AKAP11: variants seen among roughly 807,000 people sequenced by gnomAD.
AKAP11 encodes the protein A-kinase anchoring protein 11.
A neutral mutation model predicts 146.1 loss-of-function variants in AKAP11; 36 were observed. The ratio of observed to expected loss-of-function variants is 0.25; its 90% CI spans 0.19 to 0.33. The LOEUF is 0.33. Among genes scored for constraint, AKAP11 ranks in the 10% least tolerant of loss-of-function variants. AKAP11 has a pLI of 1.00. For missense variants in AKAP11, 2,201 were observed against 2,197.0 expected, an observed-to-expected ratio of 1.00 and a Z score of -0.04; for synonymous variants, 780 against 786.5, an observed-to-expected ratio of 0.99 and a Z score of 0.14.
At chr13:42,281,222 T>G (rs764710175) in intron 1 of AKAP11, among the ~76,000 whole-genome samples, 2 of 152,196 alleles carry the variant, frequency 1.3e-5, no homozygotes, top group African/African-American at 4.8e-5. Context: ...TAACAAGTTA[T>G]GAAATAATTT....
intron 8 of AKAP11, among the ~76,000 whole-genome samples, chr13:42,304,185 G>A (rs1960130425): frequency 6.6e-6 from 1 of 152,188 alleles, no homozygotes; most frequent in South Asian, 2.1e-4. Context: ...ATTTTATATA[G>A]TAGTCCCCCC....
intron 8 of AKAP11, among the ~76,000 whole-genome samples, chr13:42,307,217 T>A (rs1960306715): frequency 6.6e-6 from 1 of 152,208 alleles, no homozygotes; most frequent in Non-Finnish European, 1.5e-5. Flanking sequence ...AGTATCATTC[T>A]GTATCTTACA....
At chr13:42,285,857 G>C (rs1959158236) in intron 1 of AKAP11, 129 bp from the exon 2 acceptor site, 2 of 152,392 alleles carry the variant, frequency 1.3e-5, no homozygotes, top group Non-Finnish European at 2.9e-5. Flanking sequence ...AAATAAGAAT[G>C]TCAAGAGCAT....
In AKAP11 at chr13:42,303,807, C is replaced by T. The variant is rs1014045572; in HGVS notation, c.5061C>T (p.Ser1687=). The stretch of plus-strand genomic sequence containing the variant: ...AGGAGGGTGCCAGCTTTGCTGAAAG[C>T]CTTGCCACAGAAACCATGACAGCAG... ...IGQEGASFAE[S]LATETMTAAV... Residue 1687 remains serine (S), a synonymous_variant, in exon 8 of 13, where the codon AGC becomes AGT. Transcript: ENST00000025301. 1.9e-6 allele frequency: 3 copies of T among 1,607,704 alleles called. No individual in the cohort carries two copies. The highest frequency in any genetic ancestry group is 1.7e-5 in the Admixed American group (1 of 59,264).
At position 42,305,826 on chromosome 13, in the gene AKAP11, T is replaced by G. The variant is rs774452753; in HGVS notation, c.5117+1963T>G. Among the ~76,000 whole-genome samples, 4 of 152,328 alleles carry G rather than the reference T, an allele frequency of 2.6e-5. No individual in the cohort carries two copies. The East Asian group carries it at 7.7e-4, about 29-fold the overall frequency. On this transcript the variant is annotated intron_variant, in intron 8 of 12. Transcript: ENST00000025301. ...AGGAGGTTTAATTGACTCACAGTTC[T>G]GCATGGCTGGGAAAGCCTCAGGAGA...
intron 8 of AKAP11, among the ~76,000 whole-genome samples, chr13:42,306,809 A>C (rs1326115893): frequency 6.6e-6 from 1 of 152,206 alleles, no homozygotes; most frequent in Admixed American, 6.5e-5. Flanking sequence ...ATGTGAATGC[A>C]ATTGGGAAAT....
intron 8 of AKAP11, among the ~76,000 whole-genome samples, chr13:42,305,458 T>C (rs1960204332): frequency 6.6e-6 from 1 of 152,224 alleles, no homozygotes; most frequent in African/African-American, 2.4e-5. Flanking sequence ...AACTACAGTC[T>C]GTGGGCCAAT....
chr13:42,292,497 C>G lies in AKAP11; in HGVS notation c.164C>G (p.Thr55Ser). The G allele has an allele frequency of 6.4e-7, 1 of 1,560,758 alleles. No homozygotes were observed. Among genetic ancestry groups the G allele is most frequent in the Non-Finnish European group, 8.8e-7 (1 of 1,142,318 alleles). The change falls in exon 4 of 13, where the codon ACT becomes AGT. Residue 55 changes from threonine (T) to serine (S), a missense_variant. By Grantham distance (58) the Thr-to-Ser change is moderately conservative. Coordinates refer to ENST00000025301, the MANE Select transcript of AKAP11 (RefSeq NM_016248.4). ...CAGCAGGATGAGCATGCCAATTTAA[C>G]TGAGGTTTAACATACTACTTTCTAA... ...CLQQDEHANL[T>S]EVTFLGFNEE...
chr13:42,296,201 C>T (rs1959503084), intron 5 of AKAP11, among the ~76,000 whole-genome samples: 1 of 152,070 alleles, frequency 6.6e-6, no homozygotes, highest in Middle Eastern at 3.2e-3. Flanking sequence ...CCTTTTGTGG[C>T]AGTAAAGTGT....
At chr13:42,290,405 G>A (rs993983831) in intron 3 of AKAP11, among the ~76,000 whole-genome samples, 1 of 152,152 alleles carries the variant, frequency 6.6e-6, no homozygotes, top group African/African-American at 2.4e-5. Context: ...CAATATAAAT[G>A]CACATAATCT....
intron 1 of AKAP11, among the ~76,000 whole-genome samples, chr13:42,277,712 T>C (rs979334936): frequency 6.6e-6 from 1 of 152,252 alleles, no homozygotes; most frequent in African/African-American, 2.4e-5. Context: ...GAAATTTCTC[T>C]TCACCGTACA....
intron 3 of AKAP11, among the ~76,000 whole-genome samples, chr13:42,289,518 G>A (rs1959189963): frequency 6.6e-6 from 1 of 152,038 alleles, no homozygotes; most frequent in Non-Finnish European, 1.5e-5. Context: ...TGATACCTGA[G>A]AGCCCCTCCA....
At position 42,301,954 on chromosome 13, in the gene AKAP11, C is replaced by G; in HGVS notation, c.3208C>G (p.His1070Asp). ...FGQENPFPHS[H>D]TFSSTALTCV... ...ACAGGAAAACCCCTTTCCTCATTCA[C>G]ATACTTTCTCATCTACAGCACTTAC... Residue 1070 changes from histidine to aspartate, a missense_variant, in exon 8 of 13, where the codon CAT becomes GAT. By Grantham distance (81) the His-to-Asp change is moderately conservative. Transcript: ENST00000025301. 1 of 1,614,178 alleles carries G rather than the reference C, an allele frequency of 6.2e-7. No homozygotes were observed. Among genetic ancestry groups the G allele is most frequent in the South Asian group, 1.1e-5 (1 of 91,084 alleles).
At position 42,303,707 on chromosome 13, in the gene AKAP11, T is replaced by C; in HGVS notation, c.4961T>C (p.Ile1654Thr). ...AAGAAGGCAGTGCTTGCTGAGAAGA[T>C]AGTTGCTGAAGCCATTGAAAAAGCT... ...LDKKAVLAEK[I>T]VAEAIEKAER... Residue 1654 changes from isoleucine (I) to threonine (T), a missense_variant, in exon 8 of 13, where the codon ATA (isoleucine) becomes ACA (threonine). By Grantham distance (89) the Ile-to-Thr change is moderately conservative (BLOSUM62 -1). Coordinates refer to ENST00000025301, the MANE Select transcript of AKAP11 (RefSeq NM_016248.4). 1.2e-6 allele frequency: 2 copies of C among 1,614,102 alleles called. No individual in the cohort carries two copies. The highest frequency in any genetic ancestry group is 1.7e-6 in the Non-Finnish European group (2 of 1,180,010).
At chr13:42,284,356 C>A (rs922256404) in intron 1 of AKAP11, among the ~76,000 whole-genome samples, 3 of 152,182 alleles carry the variant, frequency 2.0e-5, no homozygotes, top group East Asian at 1.9e-4. Context: ...TACTTAGGAG[C>A]CTTCTTTGAC....
intron 3 of AKAP11, among the ~76,000 whole-genome samples, chr13:42,291,956 A>C (rs1959228041): frequency 6.6e-6 from 1 of 152,176 alleles, no homozygotes; most frequent in South Asian, 2.1e-4. Context: ...TTGTTAATGG[A>C]GTAATCACTG....
chr13:42,303,107 T>G lies in AKAP11; in HGVS notation c.4361T>G (p.Leu1454Arg). The G allele has an allele frequency of 6.2e-7, 1 of 1,614,034 alleles. No individual in the cohort carries two copies. Among genetic ancestry groups the G allele is most frequent in the Non-Finnish European group, 8.5e-7 (1 of 1,179,998 alleles). Residue 1454 changes from leucine (L) to arginine (R), a missense_variant, in exon 8 of 13, where the codon CTG becomes CGG. Coordinates refer to ENST00000025301, the MANE Select transcript of AKAP11 (RefSeq NM_016248.4). ...CCATATAGAAATGAGGTCTCCCAAC[T>G]GTATAGTTTTTCAACCTCTCTGGTT... Reference protein sequence around the residue: ...LDPYRNEVSQLYSFSTSLVHS... With the variant: ...LDPYRNEVSQRYSFSTSLVHS...
chr13:42,278,713 GT>G (rs1053231976), intron 1 of AKAP11, among the ~76,000 whole-genome samples: 1 of 152,090 alleles, frequency 6.6e-6, no homozygotes, highest in Non-Finnish European at 1.5e-5. Context: ...AATAACTTCT[GT>G]TACCCTCATA....
chr13:42,275,152 GTTTTTC>G (rs1958884546), intron 1 of AKAP11, among the ~76,000 whole-genome samples: 2 of 152,226 alleles, frequency 1.3e-5, no homozygotes, highest in Admixed American at 6.5e-5. Flanking sequence ...TACTCTTCCA[GTTTTTC>G]TCTGGAAGCA....
Sources: gnomAD v4.1 joint callset for allele counts (sites outside exome capture counted in the v4.1 genomes callset) on GRCh38, gnomAD v4.1.1 for gene constraint, MANE v1.5 for transcripts, NCBI Gene and HGNC (gene_info 2026-07-23, HGNC 2026-07-21) for gene names.